The following DNAAF9 variants were observed in gnomAD, a reference collection of about 807,000 sequenced individuals.
DNAAF9 encodes the protein dynein axonemal assembly factor 9.
In DNAAF9, 90 loss-of-function variants were observed where a neutral mutation model predicts 167.0. The observed-to-expected ratio is 0.54, with a 90% CI of 0.45 to 0.64. DNAAF9 has a LOEUF of 0.64. Ranked by LOEUF, DNAAF9 falls within the 30% of genes least tolerant of loss-of-function variation. The probability of loss-of-function intolerance (pLI) is 0.00; values close to 1 mark genes in which losing one functional copy is unlikely to be tolerated. For missense variants in DNAAF9, 1,315 were observed against 1,442.2 expected (o/e 0.91, Z 1.43); for synonymous variants, 491 against 508.8 (o/e 0.96, Z 0.47).
At chr20:3,281,894 T>C (rs2068770885) in intron 27 of DNAAF9, 128 bp from the exon 28 acceptor site, 1 of 790,292 alleles carries the variant, frequency 1.3e-6, no homozygotes, top group South Asian at 1.7e-5. Context: ...CGCAATCTGG[T>C]CCCTTGGTGT....
chr20:3,261,549 A>G (rs1056453677), intron 31 of DNAAF9, among the ~76,000 whole-genome samples: 12 of 147,880 alleles, frequency 8.1e-5, no homozygotes, highest in African/African-American at 3.0e-4. Flanking sequence ...TGTATTTTTA[A>G]TAGAGATGGG....
At position 3,407,652 on chromosome 20, in the gene DNAAF9, C is replaced by T; in HGVS notation, c.-95G>A. ...CCACGCTAGCTGCGGCCGGGCGGGG[C>T]GGCAGGGCGTGCCGGGTGGGAGGGG... On this transcript the variant is annotated 5_prime_UTR_variant, in exon 1 of 37. Transcript: ENST00000252032. 9.1e-7 allele frequency: 1 copy of T among 1,097,886 alleles called. No individual in the cohort carries two copies. The highest frequency in any genetic ancestry group is 1.1e-6 in the Non-Finnish European group (1 of 902,028). The allele number at this position is 1,097,886 out of a possible 1,614,324, so 68.0% of individuals were successfully genotyped here. A position where few individuals can be genotyped will look rare whatever the true frequency, so the allele number is the denominator to read the frequency against.
chr20:3,265,960 G>A (rs904206106), intron 30 of DNAAF9, among the ~76,000 whole-genome samples: 3 of 152,142 alleles, frequency 2.0e-5, no homozygotes, highest in Non-Finnish European at 4.4e-5. Context: ...GATTACAGGC[G>A]TGAGTCACTG....
rs753033317 is a variant in DNAAF9, at chr20:3,304,507, G to A, written c.1715C>T (p.Ser572Phe). 34 of 1,517,036 alleles carry A rather than the reference G, an allele frequency of 2.2e-5. No homozygotes were observed. The highest frequency in any genetic ancestry group is 1.0e-4 in the Admixed American group (6 of 59,816). The allele number at this position is 1,517,036 out of a possible 1,614,324, so 94.0% of individuals were successfully genotyped here. A position where few individuals can be genotyped will look rare whatever the true frequency, so the allele number is the denominator to read the frequency against. The part of the protein sequence containing the change: ...VHFFSSGLLF[S>F]HCRHRSIIIS... Reference sequence around the variant, plus strand: ...GATGATACTTCTATGACGACAGTGAGAAAACAGAAGGCCACTAGAGAAGAA... The same window carrying A: ...GATGATACTTCTATGACGACAGTGAAAAAACAGAAGGCCACTAGAGAAGAA... Residue 572 changes from serine to phenylalanine, a missense_variant, in exon 21 of 37, where the codon TCT (serine) becomes TTT (phenylalanine). Ser to Phe is a radical substitution (Grantham distance 155). Coordinates refer to ENST00000252032, the MANE Select transcript of DNAAF9 (RefSeq NM_001009984.3).
intron 6 of DNAAF9, among the ~76,000 whole-genome samples, chr20:3,370,697 C>T (rs775366382): frequency 1.3e-5 from 2 of 152,164 alleles, no homozygotes; most frequent in South Asian, 2.1e-4. Context: ...CTTGAGCCAC[C>T]GCGCCCAGCC....
intron 6 of DNAAF9, chr20:3,361,946 G>A (rs2083370378): frequency 1.3e-6 from 2 of 1,528,260 alleles, no homozygotes; most frequent in African/African-American, 1.4e-5. Context: ...ACATCATTAG[G>A]CGCCGAAACT....
rs117934113 is a variant in DNAAF9, at chr20:3,270,281, T to C, written c.2786+146A>G. ...TCTCAGCCTCCCGAGTAGCTGGGAC[T>C]ATAGGTGCGTGCCACCGCACCTGGC... is the stretch of plus-strand genomic sequence containing the variant. On this transcript the variant is annotated intron_variant, in intron 30 of 36. Coordinates refer to ENST00000252032, the MANE Select transcript of DNAAF9 (RefSeq NM_001009984.3). 9.9e-4 allele frequency: 680 copies of C among 683,506 alleles called. 10 individuals are homozygous for C. The East Asian group carries it at 0.016, about 17-fold the overall frequency. 42.3% of individuals were successfully genotyped at this position (683,506 alleles called of 1,614,324 possible).
In DNAAF9 at chr20:3,293,292, C is replaced by CAAAAAAA. The variant is rs1172725572; in HGVS notation, c.2238+840_2238+846dup. ...TGGGCAACAGAGGGAGACTCCGTCTCAAAAAAAAAAAAAAAAAAAAAAAAA... is the reference window on the plus strand; with the variant it reads ...TGGGCAACAGAGGGAGACTCCGTCTCAAAAAAAAAAAAAAAAAAAAAAAAAAAAAAAA... On this transcript the variant is annotated intron_variant, in intron 25 of 36. Coordinates refer to ENST00000252032, the MANE Select transcript of DNAAF9 (RefSeq NM_001009984.3). Among the ~76,000 whole-genome samples, 158 of 22,866 alleles carry CAAAAAAA rather than the reference C, an allele frequency of 6.9e-3. 37 individuals carry two copies. Among genetic ancestry groups the CAAAAAAA allele is most frequent in the South Asian group, 0.011 (3 of 264 alleles). 15.0% of individuals were successfully genotyped at this position (22,866 alleles called of 152,430 possible).
intron 25 of DNAAF9, among the ~76,000 whole-genome samples, chr20:3,291,101 G>A (rs2122910854): frequency 6.6e-6 from 1 of 152,122 alleles, no homozygotes; most frequent in East Asian, 1.9e-4. Context: ...CCAGGGCTAA[G>A]TCTTACTCAC....
chr20:3,377,974 C>G (rs568953260), intron 3 of DNAAF9, among the ~76,000 whole-genome samples: 1 of 152,248 alleles, frequency 6.6e-6, no homozygotes, highest in East Asian at 1.9e-4. Context: ...GACTTTAGAA[C>G]TTTCAAATGT....
intron 1 of DNAAF9, among the ~76,000 whole-genome samples, chr20:3,404,325 C>A (rs911346606): frequency 6.6e-6 from 1 of 152,144 alleles, no homozygotes; most frequent in African/African-American, 2.4e-5. Flanking sequence ...CGTGAGCCAC[C>A]GTGCCCAGCC....
At chr20:3,382,165 G>C (rs536846469) in intron 2 of DNAAF9, among the ~76,000 whole-genome samples, 2 of 152,136 alleles carry the variant, frequency 1.3e-5, no homozygotes, top group Non-Finnish European at 2.9e-5. Context: ...CTGGGCAAGA[G>C]GGACATGTCA....
chr20:3,374,108 A>T lies in DNAAF9; in HGVS notation c.552T>A (p.Ile184=). 1 of 1,613,918 alleles carries T rather than the reference A, an allele frequency of 6.2e-7. No individual in the cohort carries two copies. The highest frequency in any genetic ancestry group is 8.5e-7 in the Non-Finnish European group (1 of 1,179,770). Residue 184 remains isoleucine, a synonymous_variant, in exon 6 of 37, where the codon ATT becomes ATA. Coordinates refer to ENST00000252032, the MANE Select transcript of DNAAF9 (RefSeq NM_001009984.3). ...FDMFVVEKWP[I]VQAFALEGIG... ...TGCCCTCAAGTGCAAAGGCCTGTAC[A>T]ATTGGCCATTTCTCCACCACAAACA...
At chr20:3,341,785 C>A (rs1182295984) in intron 9 of DNAAF9, among the ~76,000 whole-genome samples, 2 of 152,000 alleles carry the variant, frequency 1.3e-5, no homozygotes, top group Non-Finnish European at 2.9e-5. Context: ...AATATATATA[C>A]ATATTTTTTT....
At chr20:3,362,043 T>A (rs1336205582) in intron 6 of DNAAF9, 13 of 1,455,014 alleles carry the variant, frequency 8.9e-6, no homozygotes, top group Non-Finnish European at 5.8e-6. Flanking sequence ...ATTAGAACTA[T>A]TAACTCCATT....
chr20:3,329,161 C>A (rs543268492), intron 12 of DNAAF9, among the ~76,000 whole-genome samples: 5 of 152,162 alleles, frequency 3.3e-5, no homozygotes, highest in African/African-American at 9.6e-5. Flanking sequence ...TGAGCCACTG[C>A]ACCTGGACAC....
At chr20:3,382,640 T>TTC in intron 1 of DNAAF9, 134 bp from the exon 2 acceptor site, 1 of 700,456 alleles carries the variant, frequency 1.4e-6, no homozygotes, top group Non-Finnish European at 2.6e-6. Flanking sequence ...TCTTGTCTGG[T>TTC]TCTGGTATCA....
At chr20:3,394,358 T>A (rs2083870004) in intron 1 of DNAAF9, among the ~76,000 whole-genome samples, 11 of 151,510 alleles carry the variant, frequency 7.3e-5, no homozygotes, top group Admixed American at 7.2e-4. Flanking sequence ...AAAAAAAAGT[T>A]GTATTTTGGC....
intron 1 of DNAAF9, among the ~76,000 whole-genome samples, chr20:3,399,187 T>C (rs958074730): frequency 6.6e-6 from 1 of 152,214 alleles, no homozygotes; most frequent in Non-Finnish European, 1.5e-5. Flanking sequence ...AACAGTTGAC[T>C]AATCCATATC....
Sources: gnomAD v4.1 joint callset for allele counts (sites outside exome capture counted in the v4.1 genomes callset) on GRCh38, gnomAD v4.1.1 for gene constraint, MANE v1.5 for transcripts, NCBI Gene and HGNC (gene_info 2026-07-23, HGNC 2026-07-21) for gene names.